RELN: variants seen among roughly 807,000 people sequenced by gnomAD.
RELN encodes the protein reelin.
A neutral mutation model predicts 427.6 loss-of-function variants in RELN; 108 were observed. The observed-to-expected ratio is 0.25, with a 90% CI of 0.22 to 0.30. The LOEUF (loss-of-function observed/expected upper bound fraction) is 0.30, where lower values mean the gene tolerates loss of function less well. Among genes scored for constraint, RELN ranks in the 10% least tolerant of loss-of-function variants. The probability of loss-of-function intolerance (pLI) is 1.00; values close to 1 mark genes in which losing one functional copy is unlikely to be tolerated. For missense variants in RELN, 3,715 were observed against 4,302.8 expected (o/e 0.86, Z 3.82); for synonymous variants, 1,524 against 1,513.4 (o/e 1.01, Z -0.16).
intron 2 of RELN, among the ~76,000 whole-genome samples, chr7:103,851,788 C>A (rs942254926): frequency 1.3e-5 from 2 of 152,190 alleles, no homozygotes; most frequent in African/African-American, 4.8e-5. Flanking sequence ...TAGCTGTATG[C>A]TCCTACACAT....
chr7:103,892,458 C>T (rs1794871785), intron 2 of RELN, among the ~76,000 whole-genome samples: 1 of 152,156 alleles, frequency 6.6e-6, no homozygotes, highest in Non-Finnish European at 1.5e-5. Context: ...CACATTAGTA[C>T]TTTTTTCCTC....
At chr7:103,790,358 G>A (rs575989316) in intron 3 of RELN, among the ~76,000 whole-genome samples, 163 of 152,154 alleles carry the variant, frequency 1.1e-3, no homozygotes, top group African/African-American at 3.9e-3. Flanking sequence ...CCACTGGATA[G>A]CTATATCATA....
chr7:103,756,668 T>C (rs1236673086), intron 4 of RELN, among the ~76,000 whole-genome samples: 3 of 152,160 alleles, frequency 2.0e-5, no homozygotes, highest in Admixed American at 6.6e-5. Flanking sequence ...TTATAAGTGG[T>C]CTGGGGAGCT....
chr7:103,924,971 C>T (rs1000080125), intron 1 of RELN, among the ~76,000 whole-genome samples: 2 of 148,656 alleles, frequency 1.3e-5, no homozygotes, highest in African/African-American at 2.5e-5. Context: ...CTCTGACACA[C>T]GTGTGCATGC....
chr7:103,498,054 T>TAAC, intron 54 of RELN, 23 bp downstream of exon 54: 1 of 1,613,092 alleles, frequency 6.2e-7, no homozygotes, highest in Non-Finnish European at 8.5e-7. Context: ...GCAATAGAAA[T>TAAC]AACTAACAAA....
At chr7:103,628,317 T>C (rs1832373724) in intron 20 of RELN, 1 of 152,132 alleles carries the variant, frequency 6.6e-6, no homozygotes, top group Admixed American at 6.6e-5. Context: ...GAGGCAGAGG[T>C]TGCAGTGAGT....
At chr7:103,520,786 C>T (rs1829681357) in intron 48 of RELN, among the ~76,000 whole-genome samples, 3 of 151,740 alleles carry the variant, frequency 2.0e-5, no homozygotes, top group African/African-American at 4.8e-5. Context: ...GAAAAGTATC[C>T]TGAACACTGC....
intron 8 of RELN, among the ~76,000 whole-genome samples, chr7:103,704,883 C>T (rs926129407): frequency 6.6e-6 from 1 of 152,102 alleles, no homozygotes; most frequent in Admixed American, 6.6e-5. Context: ...TGGCTAGTTC[C>T]CAGGTCATTG....
At chr7:103,724,427 A>C (rs185991701) in intron 7 of RELN, among the ~76,000 whole-genome samples, 169 of 152,326 alleles carry the variant, frequency 1.1e-3, no homozygotes, top group African/African-American at 3.8e-3. Flanking sequence ...TGTGAATATC[A>C]AAATATCTAT....
intron 19 of RELN, among the ~76,000 whole-genome samples, chr7:103,632,372 C>G (rs1264559861): frequency 6.6e-6 from 1 of 152,234 alleles, no homozygotes; most frequent in Non-Finnish European, 1.5e-5. Flanking sequence ...AAGGACTCAA[C>G]AAATTTTTGC....
intron 1 of RELN, among the ~76,000 whole-genome samples, chr7:103,958,395 C>G (rs748025741): frequency 6.6e-6 from 1 of 152,306 alleles, no homozygotes; most frequent in Non-Finnish European, 1.5e-5. Context: ...AGATTTCCTT[C>G]AAGTCTGAAG....
At position 103,636,395 on chromosome 7, in the gene RELN, A is replaced by C; in HGVS notation, c.2143T>G (p.Phe715Val). The C allele has an allele frequency of 6.2e-7, 1 of 1,614,046 alleles. No homozygotes were observed. Among genetic ancestry groups the C allele is most frequent in the Middle Eastern group, 1.7e-4 (1 of 6,060 alleles). ...QTFPMFISES[F>V]GSSRLSSYHN... ...TAAGAGGAGAGCCTGGAACTGCCAA[A>C]GCTTTCAGAAATAAACATTGGGAAT... Residue 715 changes from phenylalanine (F) to valine (V), a missense_variant, in exon 18 of 65, where the codon TTT becomes GTT. Coordinates refer to ENST00000428762, the MANE Select transcript of RELN (RefSeq NM_005045.4).
At chr7:103,887,032 T>C (rs1584333646) in intron 2 of RELN, among the ~76,000 whole-genome samples, 1 of 152,250 alleles carries the variant, frequency 6.6e-6, no homozygotes, top group Non-Finnish European at 1.5e-5. Context: ...AGATTACTAC[T>C]GAGAGGTCTT....
chr7:103,505,901 C>CTGA (rs1394926295), intron 51 of RELN, among the ~76,000 whole-genome samples: 1 of 152,128 alleles, frequency 6.6e-6, no homozygotes, highest in Non-Finnish European at 1.5e-5. Flanking sequence ...TATAAATGAC[C>CTGA]TGATGGAGCT....
intron 22 of RELN, among the ~76,000 whole-genome samples, chr7:103,609,744 T>C (rs1468255775): frequency 6.6e-6 from 1 of 152,182 alleles, no homozygotes; most frequent in Non-Finnish European, 1.5e-5. Flanking sequence ...AGTCTAACTT[T>C]TATATAAAAT....
chr7:103,788,539 C>A (rs1792078642), intron 3 of RELN, among the ~76,000 whole-genome samples: 1 of 152,144 alleles, frequency 6.6e-6, no homozygotes, highest in Non-Finnish European at 1.5e-5. Flanking sequence ...TTCCTATAAA[C>A]CAATAATAGA....
intron 1 of RELN, among the ~76,000 whole-genome samples, chr7:103,954,573 A>G (rs1159668814): frequency 6.6e-6 from 1 of 152,246 alleles, no homozygotes. Flanking sequence ...CATCTGAATT[A>G]AAGTCTTAGC....
At chr7:103,744,055 T>C (rs1235680068) in intron 6 of RELN, among the ~76,000 whole-genome samples, 25 of 151,880 alleles carry the variant, frequency 1.6e-4, no homozygotes, top group African/African-American at 3.4e-4. Flanking sequence ...GAAATTATAA[T>C]AAACTGTCTC....
chr7:103,876,341 A>T (rs983673669), intron 2 of RELN, among the ~76,000 whole-genome samples: 3 of 152,174 alleles, frequency 2.0e-5, no homozygotes, highest in African/African-American at 7.2e-5. Context: ...GATATGGAGC[A>T]GTAATTTGGG....
Sources: allele counts gnomAD v4.1 joint callset (sites outside exome capture counted in the v4.1 genomes callset), GRCh38; gene constraint gnomAD v4.1.1; transcripts MANE v1.5; gene names NCBI Gene and HGNC (gene_info 2026-07-23, HGNC 2026-07-21).